The following PKNOX2 variants were observed in gnomAD, a reference collection of about 807,000 sequenced individuals.
The protein encoded by PKNOX2 is homeobox protein PKNOX2.
In PKNOX2, 14 loss-of-function variants were observed where a neutral mutation model predicts 53.1. The observed-to-expected ratio is 0.26, with a 90% CI of 0.17 to 0.41. The LOEUF (loss-of-function observed/expected upper bound fraction) is 0.41. Ranked by LOEUF, PKNOX2 falls within the 10% of genes least tolerant of loss-of-function variation. The probability of loss-of-function intolerance (pLI) is 1.00; values close to 1 mark genes in which losing one functional copy is unlikely to be tolerated. For synonymous variants in PKNOX2, 257 were observed against 242.8 expected, an observed-to-expected ratio of 1.06 and a Z score of -0.54; for missense variants, 496 against 602.8, an observed-to-expected ratio of 0.82 and a Z score of 1.85.
At chr11:125,253,788 C>T (rs141872539) in intron 2 of PKNOX2, among the ~76,000 whole-genome samples, 3 of 152,182 alleles carry the variant, frequency 2.0e-5, no homozygotes, top group African/African-American at 7.2e-5. Flanking sequence ...CCCTGGAGGT[C>T]GGAGTCAAAG....
chr11:125,172,246 G>C (rs889221390), intron 1 of PKNOX2, among the ~76,000 whole-genome samples: 2 of 152,206 alleles, frequency 1.3e-5, no homozygotes, highest in African/African-American at 2.4e-5. Flanking sequence ...AGGCCTTGTT[G>C]TTTGGGTCCA....
In PKNOX2 at chr11:125,424,533, A is replaced by G. The variant is rs191295101; in HGVS notation, c.937-4479A>G. Among the ~76,000 whole-genome samples, 344 of 151,818 alleles carry G rather than the reference A, an allele frequency of 2.3e-3. 2 individuals are homozygous for G. Among genetic ancestry groups the G allele is most frequent in the African/African-American group, 8.0e-3 (330 of 41,418 alleles). On this transcript the variant is annotated intron_variant, in intron 10 of 12. Coordinates refer to ENST00000298282, the MANE Select transcript of PKNOX2 (RefSeq NM_001382323.2). Reference sequence around the variant, plus strand: ...GTGGCTGGCAGCAGCCCATGGCCCCACAGCTGTCAAGAGGGAGAGGAGGGG... The same window carrying G: ...GTGGCTGGCAGCAGCCCATGGCCCCGCAGCTGTCAAGAGGGAGAGGAGGGG...
chr11:125,289,818 ACTCGGTG>A (rs1281964604), intron 2 of PKNOX2, among the ~76,000 whole-genome samples: 10 of 152,072 alleles, frequency 6.6e-5, no homozygotes, highest in Admixed American at 6.5e-4. Context: ...CTGGCGTGTC[ACTCGGTG>A]CTCATTAGCT....
chr11:125,315,382 G>A (rs1949111461), intron 2 of PKNOX2, among the ~76,000 whole-genome samples: 2 of 150,944 alleles, frequency 1.3e-5, no homozygotes, highest in Admixed American at 1.3e-4. Context: ...CTCCCAAACT[G>A]GTGGGCGGCT....
At chr11:125,265,521 G>A (rs1425060756) in intron 2 of PKNOX2, among the ~76,000 whole-genome samples, 7 of 152,250 alleles carry the variant, frequency 4.6e-5, no homozygotes, top group African/African-American at 9.6e-5. Context: ...TTCAGTGGAC[G>A]CATCCCTGAC....
At chr11:125,298,772 C>T (rs143325052) in intron 2 of PKNOX2, among the ~76,000 whole-genome samples, 1 of 152,318 alleles carries the variant, frequency 6.6e-6, no homozygotes, top group Non-Finnish European at 1.5e-5. Flanking sequence ...CAGACTTTGG[C>T]TCGTGACCTT....
chr11:125,306,745 A>G (rs1268174881), intron 2 of PKNOX2, among the ~76,000 whole-genome samples: 3 of 151,992 alleles, frequency 2.0e-5, no homozygotes, highest in Non-Finnish European at 4.4e-5. Flanking sequence ...GACCCTAGAG[A>G]CCCCGGCACA....
At chr11:125,339,930 C>T (rs772810038) in intron 3 of PKNOX2, among the ~76,000 whole-genome samples, 2 of 152,224 alleles carry the variant, frequency 1.3e-5, no homozygotes, top group Non-Finnish European at 2.9e-5. Flanking sequence ...AATGAGTCCA[C>T]GATGAAGACT....
At chr11:125,190,824 C>T (rs1956834028) in intron 1 of PKNOX2, among the ~76,000 whole-genome samples, 1 of 152,174 alleles carries the variant, frequency 6.6e-6, no homozygotes, top group African/African-American at 2.4e-5. Context: ...AGCACTCTCT[C>T]CTCCTCTGAA....
chr11:125,411,458 GTCTTTC>G lies in PKNOX2; in HGVS notation c.817-284_817-279del, dbSNP rs1311761837. On this transcript the variant is annotated intron_variant, in intron 9 of 12. Coordinates refer to ENST00000298282, the MANE Select transcript of PKNOX2 (RefSeq NM_001382323.2). ...CTCTCTGCATGGCCCTGTTTCCTCT[GTCTTTC>G]TCTCTCTCTCTCTCTCTCTCTCTCT... The G allele has an allele frequency of 1.3e-3, 417 of 321,450 alleles. 5 individuals carry two copies. The African/African-American group carries it at 0.016, about 12-fold the overall frequency. 19.9% of individuals were successfully genotyped at this position (321,450 alleles called of 1,614,324 possible).
intron 1 of PKNOX2, among the ~76,000 whole-genome samples, chr11:125,222,219 C>G (rs547403588): frequency 6.6e-6 from 1 of 152,318 alleles, no homozygotes; most frequent in African/African-American, 2.4e-5. Context: ...AGTGATGGGT[C>G]TTTCCTCATC....
At position 125,304,083 on chromosome 11, in the gene PKNOX2, C is replaced by T. The variant is rs189725498; in HGVS notation, c.-129-27736C>T. 6.2e-5 allele frequency among the ~76,000 whole-genome samples: 9 copies of T among 146,292 alleles called. No individual in the cohort carries two copies. The East Asian group carries it at 1.5e-3, about 24-fold the overall frequency. ...TGGTTGGCAGGGACCCTCTGATACC[C>T]GCAGGGAGCTTGGCCTGATGGATCC... On this transcript the variant is annotated intron_variant, in intron 2 of 12. Coordinates refer to ENST00000298282, the MANE Select transcript of PKNOX2 (RefSeq NM_001382323.2).
chr11:125,308,548 C>T (rs1449202636), intron 2 of PKNOX2, among the ~76,000 whole-genome samples: 1 of 152,174 alleles, frequency 6.6e-6, no homozygotes, highest in African/African-American at 2.4e-5. Flanking sequence ...ATTTATTACA[C>T]CAGCAAAGGA....
At position 125,366,524 on chromosome 11, in the gene PKNOX2, T is replaced by G. The variant is rs376063470; in HGVS notation, c.88-1322T>G. On this transcript the variant is annotated intron_variant, in intron 4 of 12. Transcript: ENST00000298282. The stretch of plus-strand genomic sequence containing the variant: ...TCACTCCATGAGCTTACGTTTTAGC[T>G]GGGAGTGAAGAGAAAATCAATAAGC... Among the ~76,000 whole-genome samples, 269 of 152,308 alleles carry G rather than the reference T, an allele frequency of 1.8e-3. 4 individuals are homozygous for G. The South Asian group carries it at 0.031, about 18-fold the overall frequency.
rs1200774570 is a variant in PKNOX2, at chr11:125,240,402, G to T, written c.-130+5287G>T. 1 of 152,232 alleles carries T rather than the reference G, an allele frequency of 6.6e-6. No individual in the cohort carries two copies. The highest frequency in any genetic ancestry group is 2.4e-5 in the African/African-American group (1 of 41,444). 9.4% of individuals were successfully genotyped at this position (152,232 alleles called of 1,614,324 possible). ...TTCAGTTGGTGTGACTATGCCTGCA[G>T]GAGAGGTGGCTATTTGGAGTCTTCT... On this transcript the variant is annotated intron_variant, in intron 2 of 12. Transcript: ENST00000298282. This position sits in a 1 kb window ranked among gnomAD's most constrained non-coding sequence, Gnocchi z 4.3.
chr11:125,363,224 ATATTT>A (rs1439649067), intron 4 of PKNOX2, among the ~76,000 whole-genome samples: 1 of 152,254 alleles, frequency 6.6e-6, no homozygotes, highest in African/African-American at 2.4e-5. Flanking sequence ...CACCCCAGAA[ATATTT>A]TATTAGCACG....
chr11:125,198,611 G>A (rs552565942), intron 1 of PKNOX2, among the ~76,000 whole-genome samples: 2 of 152,148 alleles, frequency 1.3e-5, no homozygotes, highest in East Asian at 1.9e-4. Context: ...TCATTCTTAC[G>A]TACACTTCCT....
At chr11:125,293,211 C>T (rs766916994) in intron 2 of PKNOX2, among the ~76,000 whole-genome samples, 13 of 152,148 alleles carry the variant, frequency 8.5e-5, no homozygotes, top group Admixed American at 2.6e-4. Context: ...AATACACACA[C>T]ACACAACTAT....
chr11:125,281,693 T>G (rs898781625), intron 2 of PKNOX2, among the ~76,000 whole-genome samples: 1 of 152,168 alleles, frequency 6.6e-6, no homozygotes, highest in Non-Finnish European at 1.5e-5. Context: ...AAACAAACCA[T>G]GTGTTTCCTT....
Sources: allele counts gnomAD v4.1 joint callset (sites outside exome capture counted in the v4.1 genomes callset), GRCh38; gene constraint gnomAD v4.1.1; non-coding constraint Gnocchi (gnomAD v3.1); transcripts MANE v1.5; gene names NCBI Gene and HGNC (gene_info 2026-07-23, HGNC 2026-07-21).